Variants in ARID2 observed in about 807,000 individuals in gnomAD.
The protein encoded by ARID2 is AT-rich interactive domain-containing protein 2.
ARID2 carries 32 observed loss-of-function variants against 184.6 expected under a neutral mutation model. The observed-to-expected ratio is 0.17, with a 90% CI of 0.13 to 0.23. The LOEUF (loss-of-function observed/expected upper bound fraction) is 0.23. Ranked by LOEUF, ARID2 falls within the 10% of genes least tolerant of loss-of-function variation. ARID2 has a pLI of 1.00. For missense variants in ARID2, 1,696 were observed against 2,197.6 expected (o/e 0.77, Z 4.56); for synonymous variants, 836 against 772.6 (o/e 1.08, Z -1.36).
intron 3 of ARID2, among the ~76,000 whole-genome samples, chr12:45,786,621 G>A (rs1942199617): frequency 6.6e-6 from 1 of 152,176 alleles, no homozygotes; most frequent in Non-Finnish European, 1.5e-5. Context: ...GTGTGATCCA[G>A]CGATCCAACT....
chr12:45,891,047 C>A (rs1233862891), intron 16 of ARID2, among the ~76,000 whole-genome samples: 1 of 152,000 alleles, frequency 6.6e-6, no homozygotes, highest in Non-Finnish European at 1.5e-5. Flanking sequence ...TGCTTGTAGT[C>A]CCAGGTACTC....
intron 3 of ARID2, among the ~76,000 whole-genome samples, chr12:45,807,337 C>G (rs1942620732): frequency 6.6e-6 from 1 of 151,498 alleles, no homozygotes; most frequent in African/African-American, 2.4e-5. Context: ...AATTTTTTTT[C>G]CTTGATCCAA....
chr12:45,790,070 CTATACT>C (rs1456947864), intron 3 of ARID2, among the ~76,000 whole-genome samples: 1 of 152,156 alleles, frequency 6.6e-6, no homozygotes, highest in Non-Finnish European at 1.5e-5. Context: ...GAACCTTCCT[CTATACT>C]TATAACTTAG....
chr12:45,843,400 G>A (rs764026814), intron 11 of ARID2, among the ~76,000 whole-genome samples: 1 of 149,018 alleles, frequency 6.7e-6, no homozygotes, highest in Non-Finnish European at 1.5e-5. Flanking sequence ...TCTAAAGACA[G>A]CGTCTCACTC....
Position 45,836,644 on chromosome 12 carries a change from A to G in ARID2, c.761A>G (p.Asn254Ser). The change falls in exon 7 of 21, where the codon AAC becomes AGC. Residue 254 changes from asparagine (N) to serine (S), a missense_variant. Coordinates refer to ENST00000334344, the MANE Select transcript of ARID2 (RefSeq NM_152641.4). Reference sequence around the variant, plus strand: ...GTTCGTGACCTCATTTCTGACAGAAACAAGTCTCATGGTAAGTTAGTGAAA... The same window carrying G: ...GTTCGTGACCTCATTTCTGACAGAAGCAAGTCTCATGGTAAGTTAGTGAAA... ...NEVRDLISDRNKSHEGTSGEW... is the reference protein window; with the variant it reads ...NEVRDLISDRSKSHEGTSGEW... 6.2e-7 allele frequency: 1 copy of G among 1,610,756 alleles called. No individual in the cohort carries two copies. The highest frequency in any genetic ancestry group is 1.3e-5 in the African/African-American group (1 of 74,914).
chr12:45,773,735 A>G (rs968253516), intron 3 of ARID2, among the ~76,000 whole-genome samples: 1 of 152,180 alleles, frequency 6.6e-6, no homozygotes, highest in Non-Finnish European at 1.5e-5. Context: ...AGATTGAGTT[A>G]ATTATTATTT....
chr12:45,844,479 G>A (rs1263019484), intron 11 of ARID2, among the ~76,000 whole-genome samples: 2 of 152,130 alleles, frequency 1.3e-5, no homozygotes, highest in Non-Finnish European at 2.9e-5. Flanking sequence ...CAAGGGGCCA[G>A]AATACCCAAT....
intron 16 of ARID2, among the ~76,000 whole-genome samples, chr12:45,870,060 A>T (rs1943897773): frequency 1.3e-5 from 2 of 151,740 alleles, no homozygotes. Flanking sequence ...ATCTCGGCTC[A>T]CTGCAAGCTC....
intron 20 of ARID2, among the ~76,000 whole-genome samples, chr12:45,900,284 T>G (rs532158514): frequency 6.6e-6 from 1 of 152,154 alleles, no homozygotes; most frequent in South Asian, 2.1e-4. Context: ...TGGTCCTCAA[T>G]TCCTGACCTC....
At chr12:45,865,915 ATTGT>A (rs1943824654) in intron 16 of ARID2, among the ~76,000 whole-genome samples, 1 of 152,124 alleles carries the variant, frequency 6.6e-6, no homozygotes, top group Non-Finnish European at 1.5e-5. Context: ...TATTTTCATA[ATTGT>A]TTTTCTTATT....
In ARID2 at chr12:45,905,052, G is replaced by A. The variant is rs748922082; in HGVS notation, c.5482G>A (p.Glu1828Lys). ...TTTTACAGTTCAGAGTAAGGAACAA[G>A]AAAAAGACTCAGAAATGCTGCAGTG... ...LNFTVQSKEQ[E>K]KDSEMLQ The change falls in exon 21 of 21, where the codon GAA (glutamate) becomes AAA (lysine). Residue 1828 changes from glutamate (E) to lysine (K), a missense_variant. This residue lies in a region of ARID2 where 69 missense variants were observed against 118.2 expected (regional missense o/e 0.58). Transcript: ENST00000334344. The A allele has an allele frequency of 6.2e-7, 1 of 1,613,478 alleles. No homozygotes were observed.
At chr12:45,903,873 A>G (rs1002107986) in intron 20 of ARID2, among the ~76,000 whole-genome samples, 2 of 152,078 alleles carry the variant, frequency 1.3e-5, no homozygotes, top group African/African-American at 4.8e-5. Context: ...AACATTTAAT[A>G]TAAAATTTTT....
In ARID2 at chr12:45,852,671, G is replaced by A. The variant is rs2138180486; in HGVS notation, c.4548G>A (p.Lys1516=). 2 of 1,614,168 alleles carry A rather than the reference G, an allele frequency of 1.2e-6. No homozygotes were observed. The highest frequency in any genetic ancestry group is 2.2e-5 in the South Asian group (2 of 91,084). The part of the protein sequence containing the change: ...TNGTAECKTV[K]RPAEDTDRET... ...GCACAGCAGAATGCAAAACTGTAAA[G>A]AGGCCAGCAGAGGATACTGATAGGG... is the stretch of plus-strand genomic sequence containing the variant. The change falls in exon 15 of 21, where the codon AAG becomes AAA. Residue 1516 remains lysine, a synonymous_variant. Transcript: ENST00000334344.
intron 16 of ARID2, among the ~76,000 whole-genome samples, chr12:45,890,375 T>C (rs1944281577): frequency 2.0e-5 from 3 of 152,256 alleles, no homozygotes; most frequent in Admixed American, 2.0e-4. Flanking sequence ...TGAGTAGTAG[T>C]ACATTTGGGT....
intron 3 of ARID2, among the ~76,000 whole-genome samples, chr12:45,756,653 A>G (rs1340270123): frequency 1.3e-5 from 2 of 152,366 alleles, no homozygotes; most frequent in East Asian, 3.9e-4. Flanking sequence ...CATTCAAGGC[A>G]TGGGTTTGCT....
chr12:45,758,874 C>G (rs2138005999), intron 3 of ARID2, among the ~76,000 whole-genome samples: 1 of 152,192 alleles, frequency 6.6e-6, no homozygotes, highest in South Asian at 2.1e-4. Flanking sequence ...ACAAGGGAGA[C>G]TGGGAAATGT....
At chr12:45,819,830 G>A (rs1017383111) in intron 5 of ARID2, among the ~76,000 whole-genome samples, 5 of 151,444 alleles carry the variant, frequency 3.3e-5, no homozygotes, top group Non-Finnish European at 5.9e-5. Flanking sequence ...TGCAACCTCC[G>A]CCTCCAAGGT....
At chr12:45,881,816 C>T in intron 16 of ARID2, 1 of 223,264 alleles carries the variant, frequency 4.5e-6, no homozygotes, top group Non-Finnish European at 8.8e-6. Context: ...GGTTCCTGTG[C>T]CCCTTTTTTT....
At chr12:45,876,865 G>A (rs554471973) in intron 16 of ARID2, among the ~76,000 whole-genome samples, 9 of 151,520 alleles carry the variant, frequency 5.9e-5, no homozygotes, top group Non-Finnish European at 7.4e-5. Context: ...TGAGGTGGGC[G>A]GATCACAAGT....
Sources: allele counts gnomAD v4.1 joint callset (sites outside exome capture counted in the v4.1 genomes callset), GRCh38; gene constraint gnomAD v4.1.1; regional missense constraint gnomAD v4.1.1; transcripts MANE v1.5; gene names NCBI Gene and HGNC (gene_info 2026-07-23, HGNC 2026-07-21).